DNAH6: variants seen among roughly 807,000 people sequenced by gnomAD.
The protein encoded by DNAH6 is axonemal beta dynein heavy chain 6.
Under a neutral mutation model 491.4 loss-of-function variants are expected in DNAH6, and 340 were observed. The observed-to-expected ratio is 0.69, with a 90% CI of 0.63 to 0.76. The LOEUF (loss-of-function observed/expected upper bound fraction) is 0.76. Among genes scored for constraint, DNAH6 ranks in the 30% least tolerant of loss-of-function variants. The pLI is 0.00. For synonymous variants in DNAH6, 1,603 were observed against 1,686.1 expected (o/e 0.95, Z 1.21); for missense variants, 4,443 against 4,972.2 (o/e 0.89, Z 3.20).
intron 18 of DNAH6, among the ~76,000 whole-genome samples, chr2:84,601,013 A>T (rs1685162968): frequency 6.8e-6 from 1 of 147,556 alleles, no homozygotes; most frequent in Non-Finnish European, 1.5e-5. Context: ...CTATAATAAT[A>T]TTATAATAAT....
the DNAH6 span, among the ~76,000 whole-genome samples, chr2:84,477,568 T>C: frequency 6.6e-6 from 1 of 152,208 alleles, no homozygotes; most frequent in Non-Finnish European, 1.5e-5. Context: ...TAAGCTCTCA[T>C]GGTTTCCCTT....
chr2:84,658,230 A>G (rs927680322), intron 35 of DNAH6, 62 bp from the exon 36 acceptor site: 3 of 1,193,994 alleles, frequency 2.5e-6, no homozygotes, highest in African/African-American at 1.6e-5. Flanking sequence ...TAACCAACCT[A>G]ATTCTAAACT....
chr2:84,472,023 C>G, the DNAH6 span, among the ~76,000 whole-genome samples: 4 of 152,242 alleles, frequency 2.6e-5, no homozygotes, highest in Non-Finnish European at 4.4e-5. Context: ...TTCCTCTTTC[C>G]CAGCTCTTAG....
Position 84,785,610 on chromosome 2 carries a change from G to A in DNAH6, c.10954G>A (p.Val3652Met), listed in dbSNP as rs1171985331. Residue 3652 changes from valine (V) to methionine (M), a missense_variant and splice_region_variant, in exon 67 of 77, where the codon GTG becomes ATG. By Grantham distance (21) the Val-to-Met change is conservative. This residue lies in a region of DNAH6 where 1,463 missense variants were observed against 1,656.6 expected (regional missense o/e 0.88). Coordinates refer to ENST00000389394, the MANE Select transcript of DNAH6 (RefSeq NM_001370.2). ...PVTVLQNSVK[V>M]TNEPPKGLRA... The stretch of plus-strand genomic sequence containing the variant: ...CCACATATATTCTATCTAAATCCAG[G>A]TGACCAATGAGCCTCCAAAAGGCTT... 6.5e-7 allele frequency: 1 copy of A among 1,527,130 alleles called. No individual in the cohort carries two copies. Among genetic ancestry groups the A allele is most frequent in the Non-Finnish European group, 8.8e-7 (1 of 1,139,554 alleles). The allele number at this position is 1,527,130 out of a possible 1,614,324, so 94.6% of individuals were successfully genotyped here. A position where few individuals can be genotyped will look rare whatever the true frequency, so the allele number is the denominator to read the frequency against.
At chr2:84,487,767 C>G in the DNAH6 span, among the ~76,000 whole-genome samples, 1 of 152,178 alleles carries the variant, frequency 6.6e-6, no homozygotes, top group Non-Finnish European at 1.5e-5. Flanking sequence ...AGCCAGAGAG[C>G]AAGGGCAGGC....
chr2:84,649,583 G>A (rs1170472325), intron 33 of DNAH6, among the ~76,000 whole-genome samples: 1 of 152,120 alleles, frequency 6.6e-6, no homozygotes, highest in Non-Finnish European at 1.5e-5. Context: ...TTCAGGACTT[G>A]AAAGCTGTTG....
intron 35 of DNAH6, among the ~76,000 whole-genome samples, chr2:84,657,594 A>G (rs1241182352): frequency 6.6e-6 from 1 of 151,928 alleles, no homozygotes; most frequent in Non-Finnish European, 1.5e-5. Flanking sequence ...TATATTTTTA[A>G]TTTCAAATTC....
At position 84,621,519 on chromosome 2, in the gene DNAH6, G is replaced by T. The variant is rs1042552263; in HGVS notation, c.4039G>T (p.Ala1347Ser). Residue 1347 changes from alanine (A) to serine (S), a missense_variant, in exon 26 of 77, where the codon GCC becomes TCC. By Grantham distance (99) the Ala-to-Ser change is moderately conservative. Coordinates refer to ENST00000389394, the MANE Select transcript of DNAH6 (RefSeq NM_001370.2). Reference sequence around the variant, plus strand: ...AACAGAACACAGTAATCATATACAGGCCCTGAAGAATTTTGAAAAAGTAAA... The same window carrying T: ...AACAGAACACAGTAATCATATACAGTCCCTGAAGAATTTTGAAAAAGTAAA... ...LETEHSNHIQALKNFEKVNFE... is the reference protein window; with the variant it reads ...LETEHSNHIQSLKNFEKVNFE... 2.4e-5 allele frequency: 37 copies of T among 1,523,398 alleles called. No individual in the cohort carries two copies. Among genetic ancestry groups the T allele is most frequent in the Non-Finnish European group, 2.9e-5 (33 of 1,124,800 alleles). 94.4% of individuals were successfully genotyped at this position (1,523,398 alleles called of 1,614,324 possible).
At chr2:84,673,738 G>A (rs962698345) in intron 40 of DNAH6, among the ~76,000 whole-genome samples, 1 of 152,186 alleles carries the variant, frequency 6.6e-6, no homozygotes, top group Non-Finnish European at 1.5e-5. Context: ...AGTCTGGAAG[G>A]CTAGGCCACT....
chr2:84,471,534 G>A, the DNAH6 span, among the ~76,000 whole-genome samples: 8 of 152,316 alleles, frequency 5.3e-5, no homozygotes, highest in African/African-American at 1.9e-4. Flanking sequence ...GTAGAGAGGA[G>A]CTCAGTCAGA....
intron 37 of DNAH6, among the ~76,000 whole-genome samples, chr2:84,665,547 C>G (rs1342117540): frequency 1.3e-5 from 2 of 152,056 alleles, no homozygotes; most frequent in African/African-American, 4.8e-5. Context: ...AAGACTAAAC[C>G]AGGAAGAAGT....
intron 11 of DNAH6, among the ~76,000 whole-genome samples, chr2:84,569,768 A>C (rs1681589953): frequency 1.3e-5 from 2 of 152,238 alleles, no homozygotes; most frequent in Admixed American, 1.3e-4. Context: ...AGTTGAGCAA[A>C]ATAAATAAAT....
intron 11 of DNAH6, among the ~76,000 whole-genome samples, chr2:84,566,404 C>G (rs1681194941): frequency 6.6e-6 from 1 of 151,930 alleles, no homozygotes; most frequent in African/African-American, 2.4e-5. Flanking sequence ...TGCTAAAAAC[C>G]CATATGATGG....
the DNAH6 span, among the ~76,000 whole-genome samples, chr2:84,471,232 A>G: frequency 1.3e-5 from 2 of 152,070 alleles, no homozygotes; most frequent in Non-Finnish European, 2.9e-5. Context: ...CATTATTACT[A>G]GCTATCATTA....
the DNAH6 span, among the ~76,000 whole-genome samples, chr2:84,462,831 A>G: frequency 1.3e-5 from 2 of 152,222 alleles, no homozygotes; most frequent in African/African-American, 4.8e-5. Context: ...TAGCTGGAGC[A>G]GTCCTCATCA....
intron 38 of DNAH6, among the ~76,000 whole-genome samples, 191 bp from the exon 39 acceptor site, chr2:84,670,137 C>T (rs948537287): frequency 1.3e-5 from 2 of 152,184 alleles, no homozygotes; most frequent in Non-Finnish European, 2.9e-5. Context: ...TAAGATAGTG[C>T]TGATTAGAAT....
rs760950704 is a variant in DNAH6 at position 84,550,004 on chromosome 2, G to A, written c.1432G>A (p.Asp478Asn). ...TDKLKRTPSA[D>N]VIQKWITEEK... ...CAAGCTAAAACGAACACCTTCAGCA[G>A]ATGTCATTCAGAAATGGATTACTGA... The change falls in exon 9 of 77, where the codon GAT (aspartate) becomes AAT (asparagine). Residue 478 changes from aspartate (D) to asparagine (N), a missense_variant. Asp to Asn is a conservative substitution (Grantham distance 23). Around this residue, in one of 3 missense-constraint regions of DNAH6, gnomAD observed 2,977 missense variants for 3,296.6 expected, o/e 0.90. Coordinates refer to ENST00000389394, the MANE Select transcript of DNAH6 (RefSeq NM_001370.2). 6 of 1,614,006 alleles carry A rather than the reference G, an allele frequency of 3.7e-6. No individual in the cohort carries two copies. The South Asian group carries it at 5.5e-5, about 15-fold the overall frequency.
intron 19 of DNAH6, 130 bp from the exon 20 acceptor site, chr2:84,605,370 A>T: frequency 2.2e-5 from 12 of 557,768 alleles, no homozygotes; most frequent in East Asian, 3.6e-5. Flanking sequence ...AAAAAAAAAA[A>T]GAATTTTAGA....
chr2:84,485,869 T>A, the DNAH6 span, among the ~76,000 whole-genome samples: 2 of 151,710 alleles, frequency 1.3e-5, no homozygotes, highest in Non-Finnish European at 2.9e-5. Context: ...CTTGGAAATA[T>A]TTCACGGCAC....
Sources: gnomAD v4.1 joint callset for allele counts (sites outside exome capture counted in the v4.1 genomes callset) on GRCh38, gnomAD v4.1.1 for gene constraint, gnomAD v4.1.1 regional missense constraint, MANE v1.5 for transcripts, NCBI Gene and HGNC (gene_info 2026-07-23, HGNC 2026-07-21) for gene names.